Variants in AGBL4 observed in about 807,000 individuals in gnomAD.
The protein encoded by AGBL4 is cytosolic carboxypeptidase 6.
A neutral mutation model predicts 66.4 loss-of-function variants in AGBL4; 58 were observed. The ratio of observed to expected loss-of-function variants is 0.87; its 90% CI spans 0.71 to 1.09. The LOEUF (loss-of-function observed/expected upper bound fraction) is 1.09, where lower values mean the gene tolerates loss of function less well. Among genes scored for constraint, AGBL4 ranks in the 50% least tolerant of loss-of-function variants. AGBL4 has a pLI of 0.00. For missense variants in AGBL4, 579 were observed against 631.0 expected (o/e 0.92, Z 0.88); for synonymous variants, 234 against 222.9 (o/e 1.05, Z -0.44).
chr1:48,526,232 T>C, the AGBL4 span, among the ~76,000 whole-genome samples: 1 of 152,084 alleles, frequency 6.6e-6, no homozygotes, highest in Non-Finnish European at 1.5e-5. Context: ...GTATTGTCAG[T>C]CTTAGGACTG....
chr1:49,495,780 C>A (rs1053434578), intron 3 of AGBL4, among the ~76,000 whole-genome samples: 2 of 151,904 alleles, frequency 1.3e-5, no homozygotes, highest in Non-Finnish European at 2.9e-5. Context: ...AATTAAGGAT[C>A]AAAAATGTTC....
chr1:48,898,902 GC>G (rs914376416), intron 5 of AGBL4, among the ~76,000 whole-genome samples: 1 of 152,132 alleles, frequency 6.6e-6, no homozygotes, highest in Non-Finnish European at 1.5e-5. Context: ...CCAGGTACAC[GC>G]CCCCCGTCAA....
chr1:49,011,661 G>C (rs1212395560), intron 5 of AGBL4, among the ~76,000 whole-genome samples: 1 of 152,134 alleles, frequency 6.6e-6, no homozygotes, highest in Non-Finnish European at 1.5e-5. Flanking sequence ...ACTGGATTAA[G>C]AAAATGTGGC....
chr1:49,976,952 A>G (rs1355134761), intron 1 of AGBL4, among the ~76,000 whole-genome samples: 2 of 152,208 alleles, frequency 1.3e-5, no homozygotes, highest in Non-Finnish European at 2.9e-5. Context: ...TCTGTAAAAG[A>G]TTAGTCTTTA....
chr1:48,663,928 C>T (rs1371564389), intron 6 of AGBL4, among the ~76,000 whole-genome samples: 2 of 152,120 alleles, frequency 1.3e-5, no homozygotes. Flanking sequence ...GATTAGATCC[C>T]AATCCCTTGT....
At chr1:49,394,636 G>C (rs747777274) in intron 3 of AGBL4, among the ~76,000 whole-genome samples, 14 of 152,134 alleles carry the variant, frequency 9.2e-5, no homozygotes, top group Non-Finnish European at 1.6e-4. Flanking sequence ...CATATTAAAA[G>C]TTTCTTAAAT....
chr1:49,157,307 C>T (rs1182596747), intron 4 of AGBL4, among the ~76,000 whole-genome samples: 3 of 151,688 alleles, frequency 2.0e-5, no homozygotes, highest in East Asian at 3.9e-4. Context: ...TGTTCAACTC[C>T]CACTTATGAG....
chr1:48,643,638 G>C (rs1236773775), intron 8 of AGBL4, among the ~76,000 whole-genome samples: 1 of 152,212 alleles, frequency 6.6e-6, no homozygotes, highest in Non-Finnish European at 1.5e-5. Flanking sequence ...GAGGTTGTTG[G>C]GAGGAACTCC....
At chr1:49,438,263 A>T (rs961780082) in intron 3 of AGBL4, among the ~76,000 whole-genome samples, 1 of 152,200 alleles carries the variant, frequency 6.6e-6, no homozygotes, top group African/African-American at 2.4e-5. Flanking sequence ...TTGCCTCTCA[A>T]ATAAACCACT....
intron 6 of AGBL4, among the ~76,000 whole-genome samples, chr1:48,763,441 A>G (rs897553593): frequency 2.7e-4 from 41 of 152,194 alleles, no homozygotes; most frequent in African/African-American, 9.7e-4. Flanking sequence ...AAAGTACTTC[A>G]GATGAAATTA....
At chr1:49,733,107 G>A (rs1172028944) in intron 2 of AGBL4, among the ~76,000 whole-genome samples, 1 of 152,158 alleles carries the variant, frequency 6.6e-6, no homozygotes, top group African/African-American at 2.4e-5. Context: ...CAGAGCCAAA[G>A]GAGGCCAGAA....
chr1:49,086,717 G>A (rs957227260), intron 4 of AGBL4, among the ~76,000 whole-genome samples: 3 of 152,014 alleles, frequency 2.0e-5, no homozygotes, highest in African/African-American at 7.2e-5. Context: ...GGCCACACCT[G>A]CTAGAGCTTC....
chr1:49,539,009 A>G (rs1460050667), intron 3 of AGBL4, among the ~76,000 whole-genome samples: 1 of 152,172 alleles, frequency 6.6e-6, no homozygotes, highest in Non-Finnish European at 1.5e-5. Context: ...ACTATCATTT[A>G]TAGCAAGAAA....
chr1:49,741,920 T>C (rs1650523014), intron 2 of AGBL4, among the ~76,000 whole-genome samples: 1 of 152,020 alleles, frequency 6.6e-6, no homozygotes, highest in African/African-American at 2.4e-5. Flanking sequence ...AAGAGCTATC[T>C]ATGACAAACC....
chr1:49,660,325 T>G (rs577473902), intron 3 of AGBL4, among the ~76,000 whole-genome samples: 128 of 152,194 alleles, frequency 8.4e-4, no homozygotes, highest in Non-Finnish European at 1.4e-3. Flanking sequence ...AAGAATATAT[T>G]TATGCAGCCA....
chr1:48,649,281 C>G (rs1384189151), intron 8 of AGBL4, among the ~76,000 whole-genome samples: 1 of 152,142 alleles, frequency 6.6e-6, no homozygotes, highest in African/African-American at 2.4e-5. Context: ...ATTGCGATCC[C>G]TGGGAAAGCC....
chr1:48,709,006 CTT>C (rs1205946586), intron 6 of AGBL4, among the ~76,000 whole-genome samples: 4 of 152,202 alleles, frequency 2.6e-5, no homozygotes, highest in African/African-American at 9.6e-5. Flanking sequence ...TGGCTGGACT[CTT>C]ATCTCCTTCT....
At chr1:49,390,240 G>T (rs981228243) in intron 3 of AGBL4, among the ~76,000 whole-genome samples, 2 of 152,176 alleles carry the variant, frequency 1.3e-5, no homozygotes, top group African/African-American at 4.8e-5. Context: ...AAGTCTCAGA[G>T]GATCTGTCCA....
At chr1:48,826,611 G>A (rs1443269500) in intron 6 of AGBL4, among the ~76,000 whole-genome samples, 1 of 152,186 alleles carries the variant, frequency 6.6e-6, no homozygotes, top group Non-Finnish European at 1.5e-5. Flanking sequence ...AAGATATAAA[G>A]CAAGAGGAGG....
Sources: allele counts gnomAD v4.1 joint callset (sites outside exome capture counted in the v4.1 genomes callset), GRCh38; gene constraint gnomAD v4.1.1; transcripts MANE v1.5; gene names NCBI Gene and HGNC (gene_info 2026-07-23, HGNC 2026-07-21).